The following DOP1B variants were observed in gnomAD, a reference collection of about 807,000 sequenced individuals.
DOP1B encodes the protein protein DOP1B.
Under a neutral mutation model 233.5 loss-of-function variants are expected in DOP1B, and 174 were observed. The ratio of observed to expected loss-of-function variants is 0.75; its 90% CI spans 0.66 to 0.85. The LOEUF (loss-of-function observed/expected upper bound fraction) is 0.85. DOP1B is among the 40% of genes least tolerant of loss of function. DOP1B has a pLI of 0.00. For missense variants in DOP1B, 2,652 were observed against 2,846.6 expected, an observed-to-expected ratio of 0.93 and a Z score of 1.56; for synonymous variants, 1,190 against 1,185.6, an observed-to-expected ratio of 1.00 and a Z score of -0.08.
In DOP1B at chr21:36,200,387, T is replaced by G; in HGVS notation, c.377T>G (p.Leu126Arg). ...GCGGTGTCGGTGAGGCCGGTGCTGC[T>G]CACCCTGTACGAGAAGTACTTCCTC... The part of the protein sequence containing the change: ...HAAVSVRPVL[L>R]TLYEKYFLPL... The change falls in exon 4 of 37, where the codon CTC becomes CGC. Residue 126 changes from leucine to arginine, a missense_variant. Leu to Arg is a moderately radical substitution (Grantham distance 102, BLOSUM62 -2). Transcript: ENST00000691173. 1.2e-6 allele frequency: 2 copies of G among 1,613,640 alleles called. No homozygotes were observed. Among genetic ancestry groups the G allele is most frequent in the Non-Finnish European group, 1.7e-6 (2 of 1,179,978 alleles).
intron 20 of DOP1B, 47 bp from the exon 21 acceptor site, chr21:36,248,333 C>T: frequency 6.3e-7 from 1 of 1,594,364 alleles, no homozygotes; most frequent in Admixed American, 1.7e-5. Context: ...GGAAGAAAAA[C>T]CATTCCACAG....
intron 29 of DOP1B, 47 bp downstream of exon 29, chr21:36,278,131 T>G (rs779580354): frequency 6.2e-7 from 1 of 1,613,336 alleles, no homozygotes; most frequent in Non-Finnish European, 8.5e-7. Context: ...CAGAAAAATA[T>G]GTTTTCACAA....
intron 1 of DOP1B, among the ~76,000 whole-genome samples, chr21:36,161,941 T>G (rs2123382670): frequency 6.6e-6 from 1 of 152,366 alleles, no homozygotes; most frequent in African/African-American, 2.4e-5. Flanking sequence ...AGTATTTGGT[T>G]CCTTTCCATT....
intron 24 of DOP1B, among the ~76,000 whole-genome samples, chr21:36,262,113 T>C (rs1418485632): frequency 6.6e-6 from 1 of 152,156 alleles, no homozygotes; most frequent in Non-Finnish European, 1.5e-5. Context: ...GGCCTCCTGG[T>C]AGATGACCAG....
chr21:36,172,060 G>A (rs2065975828), intron 2 of DOP1B, among the ~76,000 whole-genome samples: 1 of 152,174 alleles, frequency 6.6e-6, no homozygotes, highest in Admixed American at 6.6e-5. Context: ...GGGGTGAAGT[G>A]AGCAAGCTGG....
chr21:36,261,093 G>A (rs138802297), intron 24 of DOP1B: 49,480 of 1,009,672 alleles, frequency 0.049, 1,804 homozygotes, highest in East Asian at 0.27. Context: ...GGCCAGGCGC[G>A]GTGGCTCACA....
chr21:36,258,503 A>G (rs1042736312), intron 23 of DOP1B, among the ~76,000 whole-genome samples: 6 of 152,188 alleles, frequency 3.9e-5, no homozygotes, highest in African/African-American at 1.2e-4. Flanking sequence ...TGAACACCCA[A>G]TCATCACACT....
At chr21:36,208,388 C>T (rs927950236) in intron 4 of DOP1B, among the ~76,000 whole-genome samples, 3 of 152,204 alleles carry the variant, frequency 2.0e-5, no homozygotes, top group East Asian at 1.9e-4. Flanking sequence ...ACCTCCCTTC[C>T]GTGAGCACCT....
At chr21:36,208,671 G>A in intron 4 of DOP1B, 44 bp from the exon 5 acceptor site, 1 of 1,588,824 alleles carries the variant, frequency 6.3e-7, no homozygotes. Flanking sequence ...TGGGACTCGG[G>A]AAGATGGGGC....
intron 34 of DOP1B, 40 bp downstream of exon 34, chr21:36,288,851 T>A: frequency 6.4e-7 from 1 of 1,555,532 alleles, no homozygotes; most frequent in Non-Finnish European, 8.8e-7. Context: ...GAAAAGATAG[T>A]CACGATTAAA....
At chr21:36,167,257 G>T (rs1255374532) in intron 2 of DOP1B, among the ~76,000 whole-genome samples, 1 of 151,978 alleles carries the variant, frequency 6.6e-6, no homozygotes, top group African/African-American at 2.4e-5. Flanking sequence ...ATGACAACCT[G>T]AGCCTCCCAG....
chr21:36,260,553 T>G, intron 23 of DOP1B, 124 bp from the exon 24 acceptor site: 12 of 1,309,642 alleles, frequency 9.2e-6, no homozygotes, highest in Non-Finnish European at 1.3e-5. Flanking sequence ...TTGTTATATC[T>G]GAAAGATTCT....
At chr21:36,275,823 C>T (rs1332756912) in intron 27 of DOP1B, among the ~76,000 whole-genome samples, 2 of 152,064 alleles carry the variant, frequency 1.3e-5, no homozygotes, top group Non-Finnish European at 2.9e-5. Context: ...GTGCATTCTT[C>T]TAGGTGAGTC....
At chr21:36,280,084 A>T (rs543394592) in intron 30 of DOP1B, among the ~76,000 whole-genome samples, 1 of 152,344 alleles carries the variant, frequency 6.6e-6, no homozygotes, top group Admixed American at 6.5e-5. Context: ...CATGTTGCTC[A>T]GGCTGGTCTT....
At chr21:36,197,144 G>C (rs2123464763) in intron 2 of DOP1B, among the ~76,000 whole-genome samples, 1 of 152,110 alleles carries the variant, frequency 6.6e-6, no homozygotes, top group South Asian at 2.1e-4. Flanking sequence ...ATGTTGGCCA[G>C]GTTGGTCTTG....
intron 23 of DOP1B, among the ~76,000 whole-genome samples, chr21:36,258,756 GTCC>G (rs2123628881): frequency 6.6e-6 from 1 of 152,260 alleles, no homozygotes; most frequent in African/African-American, 2.4e-5. Flanking sequence ...CCTGCCCTCA[GTCC>G]TCCTATATTC....
intron 2 of DOP1B, among the ~76,000 whole-genome samples, chr21:36,174,895 A>T (rs2066006791): frequency 6.6e-6 from 1 of 152,206 alleles, no homozygotes; most frequent in East Asian, 1.9e-4. Context: ...AGTCTGTGTT[A>T]GTCTGCTAGG....
chr21:36,224,314 C>T (rs1012620684), intron 11 of DOP1B, among the ~76,000 whole-genome samples: 1 of 151,808 alleles, frequency 6.6e-6, no homozygotes, highest in Non-Finnish European at 1.5e-5. Flanking sequence ...CAAGTAACTG[C>T]GACTACAGGT....
At chr21:36,176,890 C>T (rs944472198) in intron 2 of DOP1B, among the ~76,000 whole-genome samples, 1 of 152,160 alleles carries the variant, frequency 6.6e-6, no homozygotes, top group Non-Finnish European at 1.5e-5. Flanking sequence ...CCAATCTTGG[C>T]TCACTACAAC....
Sources: allele counts gnomAD v4.1 joint callset (sites outside exome capture counted in the v4.1 genomes callset), GRCh38; gene constraint gnomAD v4.1.1; transcripts MANE v1.5; gene names NCBI Gene and HGNC (gene_info 2026-07-23, HGNC 2026-07-21).